Variants in MDM2 observed in about 807,000 individuals in gnomAD.
MDM2 encodes the protein E3 ubiquitin-protein ligase Mdm2.
Under a neutral mutation model 64.3 loss-of-function variants are expected in MDM2, and 11 were observed. The ratio of observed to expected loss-of-function variants is 0.17; its 90% confidence interval spans 0.11 to 0.28. The LOEUF (loss-of-function observed/expected upper bound fraction) is 0.28. Among genes scored for constraint, MDM2 ranks in the 10% least tolerant of loss-of-function variants. MDM2 has a pLI of 1.00. For missense variants in MDM2, 388 were observed against 577.1 expected (o/e 0.67, Z 3.36); for synonymous variants, 194 against 192.9 (o/e 1.01, Z -0.05).
At chr12:68,812,643 T>C (rs1220638350) in intron 2 of MDM2, among the ~76,000 whole-genome samples, 2 of 152,056 alleles carry the variant, frequency 1.3e-5, no homozygotes, top group Non-Finnish European at 2.9e-5. Flanking sequence ...AGAGGTGGAG[T>C]CTCTCAGTGT....
At chr12:68,837,382 TAGGGTCCTGCCCTG>T in intron 10 of MDM2, among the ~76,000 whole-genome samples, 1 of 150,922 alleles carries the variant, frequency 6.6e-6, no homozygotes, top group African/African-American at 2.4e-5. Flanking sequence ...TCAATTGAGA[TAGGGTCCTGCCCTG>T]TCTTCCAGGC....
intron 2 of MDM2, 119 bp from the exon 3 acceptor site, chr12:68,813,435 G>A (rs1881080715): frequency 1.5e-6 from 1 of 645,496 alleles, no homozygotes. Flanking sequence ...ATAATGATTA[G>A]ATCCTCCCCA....
intron 2 of MDM2, among the ~76,000 whole-genome samples, chr12:68,811,860 A>G (rs1332507364): frequency 6.6e-6 from 1 of 152,116 alleles, no homozygotes; most frequent in Admixed American, 6.6e-5. Flanking sequence ...TTGGCCTCCC[A>G]AAGTGCTGGG....
At chr12:68,808,173 T>C, upstream of MDM2, 1 of 492,616 alleles carries the variant, frequency 2.0e-6, no homozygotes, top group South Asian at 3.0e-5. Flanking sequence ...CCTCGGGCGG[T>C]AGGGGGCGCG....
Position 68,836,052 on chromosome 12 carries a change from G to A in MDM2, c.840+68G>A. 2.3e-6 allele frequency: 3 copies of A among 1,295,952 alleles called. No homozygotes were observed. In the South Asian group the frequency reaches 4.8e-5, roughly 21 times the overall value. 80.3% of individuals were successfully genotyped at this position (1,295,952 alleles called of 1,614,324 possible). ...AATATTTTCTATGTTCATTGACTTTGAGATTGAAATAATATTATTCAGATT... is the reference window on the plus strand; with the variant it reads ...AATATTTTCTATGTTCATTGACTTTAAGATTGAAATAATATTATTCAGATT... On this transcript the variant is annotated intron_variant, in intron 9 of 10. Coordinates refer to ENST00000258149, the MANE Select transcript of MDM2 (RefSeq NM_002392.6).
At position 68,840,432 on chromosome 12, in the gene MDM2, C is replaced by T; in HGVS notation, c.*583C>T. The T allele has an allele frequency of 5.6e-6, 1 of 178,612 alleles. No homozygotes were observed. The highest frequency in any genetic ancestry group is 1.2e-5 in the Non-Finnish European group (1 of 83,428). The allele number at this position is 178,612 out of a possible 1,614,324, so 11.1% of individuals were successfully genotyped here. ...GTGCTGGGATTACAGGCATGAGCCACCGCGTCCGGCCTAAATGTCACTTAG... is the reference window on the plus strand; with the variant it reads ...GTGCTGGGATTACAGGCATGAGCCATCGCGTCCGGCCTAAATGTCACTTAG... On this transcript the variant is annotated 3_prime_UTR_variant, in exon 11 of 11. Coordinates refer to ENST00000258149, the MANE Select transcript of MDM2 (RefSeq NM_002392.6).
chr12:68,831,085 G>A (rs1389089663), intron 8 of MDM2, among the ~76,000 whole-genome samples: 1 of 152,142 alleles, frequency 6.6e-6, no homozygotes, highest in Non-Finnish European at 1.5e-5. Flanking sequence ...CTTTGTACCT[G>A]GGACACTGCC....
intron 2 of MDM2, among the ~76,000 whole-genome samples, chr12:68,811,248 T>G (rs988062879): frequency 6.6e-6 from 1 of 152,238 alleles, no homozygotes; most frequent in East Asian, 1.9e-4. Flanking sequence ...AAAATTTTTC[T>G]TAGTAATTGG....
intron 9 of MDM2, among the ~76,000 whole-genome samples, chr12:68,836,217 A>C (rs765629495): frequency 1.9e-4 from 29 of 152,154 alleles, no homozygotes; most frequent in Non-Finnish European, 4.0e-4. Context: ...CTCAATGAAC[A>C]TGCTTATTAT....
intron 9 of MDM2, among the ~76,000 whole-genome samples, 187 bp downstream of exon 9, chr12:68,836,171 A>C (rs1008979435): frequency 6.6e-6 from 1 of 152,146 alleles, no homozygotes; most frequent in African/African-American, 2.4e-5. Context: ...GATTTATATT[A>C]TTATATTACT....
At chr12:68,812,529 A>G (rs1454792233) in intron 2 of MDM2, among the ~76,000 whole-genome samples, 2 of 152,190 alleles carry the variant, frequency 1.3e-5, no homozygotes, top group Non-Finnish European at 2.9e-5. Context: ...TATTTTTCTC[A>G]AGACCATTTG....
chr12:68,841,622 C>CT lies in MDM2; in HGVS notation c.*1774dup, dbSNP rs2136184282. On this transcript the variant is annotated 3_prime_UTR_variant, in exon 11 of 11. Transcript: ENST00000258149. Reference sequence around the variant, plus strand: ...TTTCCCCCTAAGTTGAAAAACAACTCTAAGACACTTTAAAGTACCTTCTTG... The same window carrying CT: ...TTTCCCCCTAAGTTGAAAAACAACTCTTAAGACACTTTAAAGTACCTTCTTG... 4.7e-6 allele frequency: 1 copy of CT among 211,728 alleles called. No homozygotes were observed. Among genetic ancestry groups the CT allele is most frequent in the Admixed American group, 5.9e-5 (1 of 17,008 alleles). 13.1% of individuals were successfully genotyped at this position (211,728 alleles called of 1,614,324 possible).
intron 7 of MDM2, among the ~76,000 whole-genome samples, chr12:68,827,495 G>A (rs945688776): frequency 5.3e-5 from 8 of 151,996 alleles, no homozygotes; most frequent in African/African-American, 9.7e-5. Flanking sequence ...TATTATCTTC[G>A]AATTTGACCT....
At position 68,815,680 on chromosome 12, in the gene MDM2, G is replaced by A. The variant is rs115750302; in HGVS notation, c.175-1132G>A. The A allele has an allele frequency of 8.5e-4, 346 of 406,134 alleles. 2 individuals are homozygous for A. Among genetic ancestry groups the A allele is most frequent in the African/African-American group, 6.9e-3 (327 of 47,460 alleles). 25.2% of individuals were successfully genotyped at this position (406,134 alleles called of 1,614,324 possible). A position where few individuals can be genotyped will look rare whatever the true frequency, so the allele number is the denominator to read the frequency against. On this transcript the variant is annotated intron_variant, in intron 3 of 10. Coordinates refer to ENST00000258149, the MANE Select transcript of MDM2 (RefSeq NM_002392.6). Reference sequence around the variant, plus strand: ...CTGGTCTGGAACTCCTGGGCTCAAGGGATCTGCTTACCTCGGCCTCCTAAA... The same window carrying A: ...CTGGTCTGGAACTCCTGGGCTCAAGAGATCTGCTTACCTCGGCCTCCTAAA...
At chr12:68,816,791 G>C (rs1204899240) in intron 3 of MDM2, 21 bp from the exon 4 acceptor site, 2 of 1,561,168 alleles carry the variant, frequency 1.3e-6, no homozygotes, top group Non-Finnish European at 1.7e-6. Context: ...TTAATGCTCA[G>C]AAATCATATT....
At chr12:68,828,515 A>C (rs1882522087) in intron 7 of MDM2, 1 of 338,078 alleles carries the variant, frequency 3.0e-6, no homozygotes, top group Non-Finnish European at 5.6e-6. Flanking sequence ...CAGAGGTTGC[A>C]GTGAGCCGAG....
At chr12:68,847,448 C>CTTT (rs1461223164), downstream of MDM2, 7 of 66,774 alleles carry the variant, frequency 1.0e-4, no homozygotes, top group Non-Finnish European at 1.4e-4. Context: ...TTTGTATCTC[C>CTTT]TTTCTTTTTT....
intron 3 of MDM2, 136 bp from the exon 4 acceptor site, chr12:68,816,676 A>C: frequency 1.3e-6 from 1 of 781,616 alleles, no homozygotes; most frequent in Non-Finnish European, 1.9e-6. Flanking sequence ...TTCTAAGTAC[A>C]AAATGGTTGT....
chr12:68,839,486 A>G lies in MDM2; in HGVS notation c.1131A>G (p.Arg377=), dbSNP rs1339295537. 1.9e-6 allele frequency: 3 copies of G among 1,613,980 alleles called. No individual in the cohort carries two copies. The highest frequency in any genetic ancestry group is 2.2e-5 in the South Asian group (2 of 91,088). The change falls in exon 11 of 11, where the codon AGA becomes AGG. Residue 377 remains arginine (R), a synonymous_variant. Transcript: ENST00000258149. ...DCKKTIVNDS[R]ESCVEENDDK... is the part of the protein sequence containing the mutation. The stretch of plus-strand genomic sequence containing the variant: ...AAAAAACTATAGTGAATGATTCCAG[A>G]GAGTCATGTGTTGAGGAAAATGATG...
Sources: gnomAD v4.1 joint callset for allele counts (sites outside exome capture counted in the v4.1 genomes callset) on GRCh38, gnomAD v4.1.1 for gene constraint, MANE v1.5 for transcripts, NCBI Gene and HGNC (gene_info 2026-07-23, HGNC 2026-07-21) for gene names.